Variants in PDE7B observed in about 807,000 individuals in gnomAD.
PDE7B encodes the protein phosphodiesterase 7B.
In PDE7B, 29 loss-of-function variants were observed where a neutral mutation model predicts 56.2. The observed-to-expected ratio is 0.52, with a 90% CI of 0.38 to 0.70. The LOEUF (loss-of-function observed/expected upper bound fraction) is 0.70. PDE7B is among the 30% of genes least tolerant of loss of function. PDE7B has a pLI of 0.00. For missense variants in PDE7B, 490 were observed against 565.0 expected (o/e 0.87, Z 1.35); for synonymous variants, 197 against 196.9 (o/e 1.00, Z 0.00).
chr6:135,887,241 T>C (rs551842449), intron 1 of PDE7B, among the ~76,000 whole-genome samples: 13 of 152,268 alleles, frequency 8.5e-5, no homozygotes, highest in Admixed American at 2.6e-4. Flanking sequence ...TTTGTTTGAG[T>C]TCCTGTGGCT....
At chr6:136,061,686 T>G (rs902036446) in intron 2 of PDE7B, among the ~76,000 whole-genome samples, 2 of 152,178 alleles carry the variant, frequency 1.3e-5, no homozygotes, top group Non-Finnish European at 2.9e-5. Flanking sequence ...ATTCGTCAAG[T>G]ACTAAATAAG....
intron 3 of PDE7B, among the ~76,000 whole-genome samples, chr6:136,109,863 A>G (rs954447268): frequency 6.6e-6 from 1 of 152,178 alleles, no homozygotes; most frequent in African/African-American, 2.4e-5. Flanking sequence ...CAAGGTTTTC[A>G]GTGTTTGGTT....
chr6:135,867,488 C>CGTGTGT (rs1232691199), intron 1 of PDE7B, among the ~76,000 whole-genome samples: 2 of 151,818 alleles, frequency 1.3e-5, no homozygotes, highest in Non-Finnish European at 2.9e-5. Flanking sequence ...TGTAGGGAAA[C>CGTGTGT]GTGTGTCATG....
At chr6:136,012,892 T>C (rs1775916801) in intron 2 of PDE7B, among the ~76,000 whole-genome samples, 1 of 152,214 alleles carries the variant, frequency 6.6e-6, no homozygotes, top group African/African-American at 2.4e-5. Context: ...AACATGAACT[T>C]TTTTCTGTTA....
chr6:136,117,973 G>A (rs1777868281), intron 3 of PDE7B, among the ~76,000 whole-genome samples: 1 of 152,040 alleles, frequency 6.6e-6, no homozygotes, highest in Non-Finnish European at 1.5e-5. Flanking sequence ...TACTTATACT[G>A]TGAGCTTGAA....
intron 2 of PDE7B, among the ~76,000 whole-genome samples, chr6:136,061,642 C>T (rs1776842889): frequency 6.6e-6 from 1 of 152,220 alleles, no homozygotes; most frequent in African/African-American, 2.4e-5. Flanking sequence ...TGTGTCCAAA[C>T]TCAACCACTC....
At chr6:136,129,394 C>A (rs1164692760) in intron 3 of PDE7B, among the ~76,000 whole-genome samples, 1 of 152,098 alleles carries the variant, frequency 6.6e-6, no homozygotes, top group Non-Finnish European at 1.5e-5. Flanking sequence ...AGGTCCCAAC[C>A]CCATGAGGGC....
chr6:135,971,957 G>A (rs1037856069), intron 2 of PDE7B, among the ~76,000 whole-genome samples: 5 of 151,954 alleles, frequency 3.3e-5, no homozygotes, highest in Non-Finnish European at 7.4e-5. Flanking sequence ...GGGATGTGCC[G>A]GGCACGGTGG....
chr6:135,903,146 A>G (rs1303107492), intron 1 of PDE7B, among the ~76,000 whole-genome samples: 8 of 152,186 alleles, frequency 5.3e-5, no homozygotes, highest in Non-Finnish European at 8.8e-5. Flanking sequence ...ATGACATGGG[A>G]ACAAAGGGCA....
rs1434964672 is a variant in PDE7B, at chr6:135,934,915, T to A, written c.22-12549T>A. 1.7e-4 allele frequency among the ~76,000 whole-genome samples: 18 copies of A among 106,106 alleles called. No homozygotes were observed. In the East Asian group the frequency reaches 1.9e-3, roughly 11 times the overall value. The allele number at this position is 106,106 out of a possible 152,430, so 69.6% of individuals were successfully genotyped here. ...TATATATTTAAATATATATAAATAT[T>A]TATTTAAATATATATTTAAATATAT... is the stretch of plus-strand genomic sequence containing the variant. On this transcript the variant is annotated intron_variant, in intron 1 of 12. Transcript: ENST00000308191.
At chr6:136,027,112 C>A (rs1776165638) in intron 2 of PDE7B, among the ~76,000 whole-genome samples, 1 of 152,156 alleles carries the variant, frequency 6.6e-6, no homozygotes. Context: ...GGGCCCTCAC[C>A]AGAATCTGAC....
At chr6:136,029,134 CAT>C (rs1776197910) in intron 2 of PDE7B, among the ~76,000 whole-genome samples, 1 of 152,156 alleles carries the variant, frequency 6.6e-6, no homozygotes. Flanking sequence ...TTTCATGTTA[CAT>C]GTTTGAAAAT....
intron 1 of PDE7B, among the ~76,000 whole-genome samples, chr6:135,902,274 C>T (rs757221754): frequency 5.9e-5 from 9 of 151,522 alleles, no homozygotes; most frequent in Admixed American, 2.6e-4. Context: ...TTCCAAGTGA[C>T]GTCAATGGAA....
chr6:135,976,344 A>G (rs189185778), intron 2 of PDE7B, among the ~76,000 whole-genome samples: 251 of 152,210 alleles, frequency 1.6e-3, no homozygotes, highest in Non-Finnish European at 3.0e-3. Context: ...GGTCATCACA[A>G]TAAGTTCTCA....
chr6:136,034,515 G>A (rs2128209291), intron 2 of PDE7B: 1 of 152,352 alleles, frequency 6.6e-6, no homozygotes, highest in African/African-American at 2.4e-5. Flanking sequence ...CAGGGGCTCA[G>A]TGGGCCCACT....
intron 1 of PDE7B, among the ~76,000 whole-genome samples, chr6:135,885,883 G>T (rs58979925): frequency 0.028 from 4,222 of 151,670 alleles, 164 homozygotes; most frequent in African/African-American, 0.082. Context: ...AAGACAAGAT[G>T]CTCTGGCGGA....
intron 8 of PDE7B, 147 bp downstream of exon 8, chr6:136,155,905 A>T (rs751990185): frequency 1.1e-6 from 1 of 905,640 alleles, no homozygotes; most frequent in Non-Finnish European, 1.8e-6. Context: ...GCCCTCAAAA[A>T]TTTGTTCAAA....
chr6:136,186,415 G>A (rs1210889143), intron 11 of PDE7B, among the ~76,000 whole-genome samples: 1 of 152,086 alleles, frequency 6.6e-6, no homozygotes, highest in Non-Finnish European at 1.5e-5. Flanking sequence ...GTGACAGAAT[G>A]AGACTCTGTC....
At chr6:136,115,143 G>A (rs1394092163) in intron 3 of PDE7B, among the ~76,000 whole-genome samples, 1 of 152,152 alleles carries the variant, frequency 6.6e-6, no homozygotes, top group Admixed American at 6.5e-5. Flanking sequence ...ATAAGCTACT[G>A]TATCTACAAT....
Sources: allele counts gnomAD v4.1 joint callset (sites outside exome capture counted in the v4.1 genomes callset), GRCh38; gene constraint gnomAD v4.1.1; transcripts MANE v1.5; gene names NCBI Gene and HGNC (gene_info 2026-07-23, HGNC 2026-07-21).